Variants in PRKN observed in about 807,000 individuals in gnomAD.
PRKN encodes the protein E3 ubiquitin-protein ligase parkin.
Under a neutral mutation model 59.5 loss-of-function variants are expected in PRKN, and 56 were observed. The observed-to-expected ratio is 0.94, with a 90% CI of 0.76 to 1.18. The LOEUF is 1.18. PRKN is among the 50% of genes most tolerant of loss of function. PRKN has a pLI of 0.00. For missense variants in PRKN, 657 were observed against 596.4 expected, an observed-to-expected ratio of 1.10 and a Z score of -1.06; for synonymous variants, 250 against 222.1, an observed-to-expected ratio of 1.13 and a Z score of -1.12.
At chr6:162,132,558 C>G (rs1342398838) in intron 4 of PRKN, among the ~76,000 whole-genome samples, 4 of 152,136 alleles carry the variant, frequency 2.6e-5, no homozygotes, top group Non-Finnish European at 5.9e-5. Flanking sequence ...ATGCAATCAT[C>G]ACTGTTGAAA....
intron 4 of PRKN, among the ~76,000 whole-genome samples, chr6:162,192,442 ATTTTTTTTT>A (rs10534285): frequency 1.1e-4 from 8 of 74,692 alleles, no homozygotes; most frequent in African/African-American, 4.5e-4. Flanking sequence ...AATTATAGGG[ATTTTTTTTT>A]TTTTTTTTTT....
intron 5 of PRKN, among the ~76,000 whole-genome samples, chr6:162,037,888 T>C (rs1305319245): frequency 2.0e-5 from 3 of 151,696 alleles, no homozygotes; most frequent in African/African-American, 7.3e-5. Flanking sequence ...AATTTTTTTT[T>C]CAGCCAACAT....
chr6:162,051,853 G>A (rs986803789), intron 5 of PRKN, among the ~76,000 whole-genome samples: 7 of 152,192 alleles, frequency 4.6e-5, no homozygotes, highest in Non-Finnish European at 8.8e-5. Context: ...GGGACCCAAG[G>A]GGTGTCAGCT....
intron 4 of PRKN, among the ~76,000 whole-genome samples, chr6:162,174,951 G>C (rs539297690): frequency 1.3e-5 from 2 of 152,312 alleles, no homozygotes; most frequent in South Asian, 4.1e-4. Flanking sequence ...GAAATTCTGA[G>C]AGTTTTTAGA....
At chr6:162,321,828 CA>C (rs1449628158) in intron 2 of PRKN, among the ~76,000 whole-genome samples, 2 of 151,850 alleles carry the variant, frequency 1.3e-5, no homozygotes, top group Non-Finnish European at 2.9e-5. Context: ...AGTCCCACAG[CA>C]AATTAGGAAA....
At chr6:162,504,429 T>A (rs1461976833) in intron 1 of PRKN, among the ~76,000 whole-genome samples, 4 of 152,046 alleles carry the variant, frequency 2.6e-5, no homozygotes, top group African/African-American at 9.7e-5. Context: ...AAAAATGTTA[T>A]AATAAAAGTA....
chr6:162,249,278 A>T (rs1490863978), intron 3 of PRKN, among the ~76,000 whole-genome samples: 1 of 152,220 alleles, frequency 6.6e-6, no homozygotes, highest in Non-Finnish European at 1.5e-5. Context: ...TTTTCATGAG[A>T]ACATAGTTAT....
chr6:162,476,535 T>C (rs1283216800), intron 1 of PRKN, among the ~76,000 whole-genome samples: 1 of 152,008 alleles, frequency 6.6e-6, no homozygotes, highest in Non-Finnish European at 1.5e-5. Flanking sequence ...CTTTCTTAAG[T>C]GAAACAAAGG....
chr6:161,964,501 A>G (rs1780502050), intron 6 of PRKN, among the ~76,000 whole-genome samples: 1 of 152,028 alleles, frequency 6.6e-6, no homozygotes, highest in Non-Finnish European at 1.5e-5. Context: ...CACAGTGTGA[A>G]GTAGCCTGCT....
At chr6:161,855,244 A>G (rs1424588966) in intron 6 of PRKN, among the ~76,000 whole-genome samples, 1 of 152,152 alleles carries the variant, frequency 6.6e-6, no homozygotes, top group African/African-American at 2.4e-5. Flanking sequence ...TTGGGCACTG[A>G]TATTTGTAAG....
intron 5 of PRKN, among the ~76,000 whole-genome samples, chr6:162,023,437 G>T (rs1385999301): frequency 6.6e-6 from 1 of 152,112 alleles, no homozygotes; most frequent in African/African-American, 2.4e-5. Context: ...AAGGAAGACG[G>T]TTTTTCCCTG....
intron 9 of PRKN, among the ~76,000 whole-genome samples, chr6:161,508,301 T>C (rs1360354565): frequency 6.6e-6 from 1 of 152,172 alleles, no homozygotes; most frequent in Non-Finnish European, 1.5e-5. Flanking sequence ...ATCTGTAGAC[T>C]CAAAGGAATG....
At chr6:162,708,379 T>C (rs1778409170) in intron 1 of PRKN, among the ~76,000 whole-genome samples, 1 of 152,206 alleles carries the variant, frequency 6.6e-6, no homozygotes. Flanking sequence ...CATATCTTTG[T>C]CTTAATTACC....
rs73608412 is a variant in PRKN, at chr6:162,489,401, A to G, written c.8-45928T>C. ...AAAACATTAGAAAGGGATTCAGTAC[A>G]GAATATTAAAACTCTGTATTTTTCA... is the stretch of plus-strand genomic sequence containing the variant. On this transcript the variant is annotated intron_variant, in intron 1 of 11. Coordinates refer to ENST00000366898, the MANE Select transcript of PRKN (RefSeq NM_004562.3). Among the ~76,000 whole-genome samples, 177 of 152,352 alleles carry G rather than the reference A, an allele frequency of 1.2e-3. 1 individual carries two copies. Among genetic ancestry groups the G allele is most frequent in the African/African-American group, 4.2e-3 (173 of 41,584 alleles).
intron 1 of PRKN, among the ~76,000 whole-genome samples, chr6:162,636,479 G>A (rs1777717105): frequency 6.6e-6 from 1 of 152,164 alleles, no homozygotes; most frequent in Non-Finnish European, 1.5e-5. Flanking sequence ...GTAAAGAGAT[G>A]ACTGAAGGTA....
chr6:162,147,937 A>T (rs1782098299), intron 4 of PRKN, among the ~76,000 whole-genome samples: 1 of 152,208 alleles, frequency 6.6e-6, no homozygotes, highest in Admixed American at 6.5e-5. Flanking sequence ...AGCATAAAAG[A>T]GAATTCCAAG....
intron 2 of PRKN, among the ~76,000 whole-genome samples, chr6:162,358,829 G>T (rs1954938): frequency 0.21 from 32,570 of 151,768 alleles, 3,702 homozygotes; most frequent in Middle Eastern, 0.28. Flanking sequence ...GGAGGCCAAG[G>T]CGGGTGGATC....
chr6:161,521,622 C>T (rs1006269617), intron 9 of PRKN, among the ~76,000 whole-genome samples: 1 of 152,102 alleles, frequency 6.6e-6, no homozygotes, highest in Non-Finnish European at 1.5e-5. Flanking sequence ...CTGAATAGTC[C>T]CATGATGTTA....
In PRKN at chr6:161,498,204, A is replaced by G. The variant is rs981994044; in HGVS notation, c.1083+50650T>C. Among the ~76,000 whole-genome samples, 1 of 152,226 alleles carries G rather than the reference A, an allele frequency of 6.6e-6. No homozygotes were observed. Among genetic ancestry groups the G allele is most frequent in the Non-Finnish European group, 1.5e-5 (1 of 68,040 alleles). The stretch of plus-strand genomic sequence containing the variant: ...ATTTAGCTGATAGAAACCTCTGCTC[A>G]CCAAGGGGATTTTTATTCAGGCTGC... On this transcript the variant is annotated intron_variant, in intron 9 of 11. Coordinates refer to ENST00000366898, the MANE Select transcript of PRKN (RefSeq NM_004562.3). This position sits in a 1 kb window ranked among gnomAD's most constrained non-coding sequence, Gnocchi z 4.2.
Sources: gnomAD v4.1 joint callset for allele counts (sites outside exome capture counted in the v4.1 genomes callset) on GRCh38, gnomAD v4.1.1 for gene constraint, Gnocchi (gnomAD v3.1) non-coding constraint, MANE v1.5 for transcripts, NCBI Gene and HGNC (gene_info 2026-07-23, HGNC 2026-07-21) for gene names.